Variants in RAB27B observed in about 807,000 individuals in gnomAD.
RAB27B encodes ras-related protein Rab-27B.
Under a neutral mutation model 24.6 loss-of-function variants are expected in RAB27B, and 15 were observed. The observed-to-expected ratio is 0.61, with a 90% CI of 0.41 to 0.94. The LOEUF is 0.94. Ranked by LOEUF, RAB27B falls within the 40% of genes least tolerant of loss-of-function variation. RAB27B has a pLI of 0.00. For synonymous variants in RAB27B, 105 were observed against 92.5 expected, an observed-to-expected ratio of 1.14 and a Z score of -0.78; for missense variants, 261 against 266.8, an observed-to-expected ratio of 0.98 and a Z score of 0.15.
chr18:54,805,831 A>G (rs1219107917), intron 2 of RAB27B, among the ~76,000 whole-genome samples: 2 of 152,234 alleles, frequency 1.3e-5, no homozygotes, highest in Admixed American at 1.3e-4. Flanking sequence ...TATATAGAGT[A>G]ATAAAAATGC....
chr18:54,730,451 C>T (rs1490435411), intron 2 of RAB27B, among the ~76,000 whole-genome samples: 6 of 152,258 alleles, frequency 3.9e-5, no homozygotes, highest in South Asian at 2.1e-4. Context: ...TAGTTATTAG[C>T]GTGCTGCATT....
intron 3 of RAB27B, 96 bp downstream of exon 3, chr18:54,879,550 C>A: frequency 1.0e-6 from 1 of 972,988 alleles, no homozygotes; most frequent in Non-Finnish European, 1.6e-6. Context: ...AAATAATATT[C>A]AACTCTTCTC....
At chr18:54,798,016 AT>A (rs199761807) in intron 2 of RAB27B, among the ~76,000 whole-genome samples, 6 of 151,180 alleles carry the variant, frequency 4.0e-5, no homozygotes, top group South Asian at 2.1e-4. Flanking sequence ...GAATATTGAT[AT>A]TTTTTTTTCA....
intron 1 of RAB27B, among the ~76,000 whole-genome samples, chr18:54,831,390 A>T (rs1453171181): frequency 1.3e-5 from 2 of 152,004 alleles, no homozygotes; most frequent in Non-Finnish European, 2.9e-5. Flanking sequence ...AGAGGAGATA[A>T]TGGGGACAGG....
At chr18:54,820,900 CA>C (rs1325836461) in intron 2 of RAB27B, among the ~76,000 whole-genome samples, 1 of 141,980 alleles carries the variant, frequency 7.0e-6, no homozygotes, top group Non-Finnish European at 1.6e-5. Context: ...TTGGTTTTGT[CA>C]GGTTTGTCAA....
chr18:54,765,466 A>G (rs1425489681), intron 2 of RAB27B, among the ~76,000 whole-genome samples: 1 of 152,192 alleles, frequency 6.6e-6, no homozygotes. Flanking sequence ...GCAAATATGC[A>G]TTGGTCAACC....
chr18:54,846,428 G>A (rs1212276752), intron 1 of RAB27B, among the ~76,000 whole-genome samples: 1 of 152,110 alleles, frequency 6.6e-6, no homozygotes, highest in Non-Finnish European at 1.5e-5. Context: ...TAACTCCTGT[G>A]AATAACAAGA....
chr18:54,720,343 G>T (rs1909321586), intron 2 of RAB27B, among the ~76,000 whole-genome samples: 1 of 152,044 alleles, frequency 6.6e-6, no homozygotes, highest in African/African-American at 2.4e-5. Flanking sequence ...TGTTAAGGTT[G>T]ACATTTCTAA....
At position 54,894,172 on chromosome 18, in the gene RAB27B, G is replaced by A. The variant is rs1433715781; in HGVS notation, c.*4759G>A. On this transcript the variant is annotated 3_prime_UTR_variant, in exon 6 of 6. Transcript: ENST00000262094. ...TGTATCAACAGCCTATGGTTGAGAT[G>A]TTTTCTCATTTCCTGTAGAGAGAGA... is the stretch of plus-strand genomic sequence containing the variant. 1 of 151,920 alleles carries A rather than the reference G, an allele frequency of 6.6e-6. No homozygotes were observed. The highest frequency in any genetic ancestry group is 1.9e-4 in the East Asian group (1 of 5,180). The allele number at this position is 151,920 out of a possible 1,614,324, so 9.4% of individuals were successfully genotyped here. A position where few individuals can be genotyped will look rare whatever the true frequency, so the allele number is the denominator to read the frequency against.
Position 54,894,855 on chromosome 18 carries a change from C to G in RAB27B, c.*5442C>G, listed in dbSNP as rs1913507847. 6.6e-6 allele frequency: 1 copy of G among 152,052 alleles called. No individual in the cohort carries two copies. Among genetic ancestry groups the G allele is most frequent in the South Asian group, 2.1e-4 (1 of 4,828 alleles). The allele number at this position is 152,052 out of a possible 1,614,324, so 9.4% of individuals were successfully genotyped here. A position where few individuals can be genotyped will look rare whatever the true frequency, so the allele number is the denominator to read the frequency against. ...GAGGTATCATAGCAGGGAAAACACA[C>G]TAATTTTCATACAGTAGAGGTATTG... On this transcript the variant is annotated 3_prime_UTR_variant, in exon 6 of 6. Transcript: ENST00000262094.
intron 1 of RAB27B, among the ~76,000 whole-genome samples, chr18:54,834,597 G>A (rs992647620): frequency 1.3e-5 from 2 of 151,970 alleles, no homozygotes; most frequent in Admixed American, 6.6e-5. Flanking sequence ...ATGATAGGTA[G>A]AGATAGATAA....
At chr18:54,869,891 A>G (rs1051087606) in intron 1 of RAB27B, among the ~76,000 whole-genome samples, 1 of 152,228 alleles carries the variant, frequency 6.6e-6, no homozygotes, top group Non-Finnish European at 1.5e-5. Context: ...TTAATATTCT[A>G]TAACATTTCA....
chr18:54,792,106 G>T (rs1483211930), intron 2 of RAB27B, among the ~76,000 whole-genome samples: 1 of 152,162 alleles, frequency 6.6e-6, no homozygotes. Flanking sequence ...TAATTGAGCT[G>T]GTTAACACAA....
At chr18:54,884,990 G>A (rs1913073561) in intron 4 of RAB27B, among the ~76,000 whole-genome samples, 1 of 152,154 alleles carries the variant, frequency 6.6e-6, no homozygotes, top group Non-Finnish European at 1.5e-5. Flanking sequence ...GTTCAAATGT[G>A]AGGAAACCAT....
At position 54,830,076 on chromosome 18, in the gene RAB27B, G is replaced by A. The variant is rs146686132; in HGVS notation, c.-20+1376G>A. On this transcript the variant is annotated intron_variant, in intron 1 of 5. Coordinates refer to ENST00000262094, the MANE Select transcript of RAB27B (RefSeq NM_004163.4). ...AGCCTGTTCTCATAGTTGCCAAGAA[G>A]GGATAAAGGGAATCTGTTGAATGTA... 2.7e-3 allele frequency among the ~76,000 whole-genome samples: 405 copies of A among 152,278 alleles called. 2 individuals are homozygous for A. Among genetic ancestry groups the A allele is most frequent in the African/African-American group, 9.2e-3 (381 of 41,558 alleles).
intron 2 of RAB27B, among the ~76,000 whole-genome samples, chr18:54,727,288 A>G (rs1909568866): frequency 6.6e-6 from 1 of 152,100 alleles, no homozygotes; most frequent in Non-Finnish European, 1.5e-5. Flanking sequence ...ATTTATATAT[A>G]TATATATTTT....
intron 4 of RAB27B, among the ~76,000 whole-genome samples, chr18:54,886,208 C>T (rs1007870863): frequency 3.9e-5 from 6 of 152,128 alleles, no homozygotes; most frequent in Admixed American, 6.5e-5. Flanking sequence ...CCCCTCAACA[C>T]GCTTTAGAGT....
At chr18:54,785,038 C>T (rs1169796199) in intron 2 of RAB27B, among the ~76,000 whole-genome samples, 1 of 152,194 alleles carries the variant, frequency 6.6e-6, no homozygotes, top group African/African-American at 2.4e-5. Flanking sequence ...ACAATGTCCT[C>T]CCAACCTATC....
Position 54,831,499 on chromosome 18 carries a change from C to T in RAB27B, c.-20+2799C>T, listed in dbSNP as rs538710606. Among the ~76,000 whole-genome samples, 38 of 152,244 alleles carry T rather than the reference C, an allele frequency of 2.5e-4. 1 individual carries two copies. Among genetic ancestry groups the T allele is most frequent in the African/African-American group, 9.1e-4 (38 of 41,546 alleles). On this transcript the variant is annotated intron_variant, in intron 1 of 5. Transcript: ENST00000262094. ...TATGATTTAGATATAGCCCGTTGAA[C>T]ATTTTTCAATAAATATTTACTGAGC...
Sources: allele counts gnomAD v4.1 joint callset (sites outside exome capture counted in the v4.1 genomes callset), GRCh38; gene constraint gnomAD v4.1.1; transcripts MANE v1.5; gene names NCBI Gene and HGNC (gene_info 2026-07-23, HGNC 2026-07-21).